The following DOK5 variants were observed in gnomAD, a reference collection of about 807,000 sequenced individuals.
The protein encoded by DOK5 is docking protein 5.
In DOK5, 27 loss-of-function variants were observed where a neutral mutation model predicts 43.3. The ratio of observed to expected loss-of-function variants is 0.62; its 90% CI spans 0.46 to 0.86. The LOEUF (loss-of-function observed/expected upper bound fraction) is 0.86, where lower values mean the gene tolerates loss of function less well. Among genes scored for constraint, DOK5 ranks in the 40% least tolerant of loss-of-function variants. DOK5 has a pLI of 0.00. For missense variants in DOK5, 373 were observed against 392.9 expected (o/e 0.95, Z 0.43); for synonymous variants, 146 against 140.1 (o/e 1.04, Z -0.30).
intron 5 of DOK5, among the ~76,000 whole-genome samples, chr20:54,607,222 A>T (rs1235791581): frequency 1.3e-5 from 2 of 151,878 alleles, no homozygotes; most frequent in Non-Finnish European, 2.9e-5. Context: ...CCCCACATAG[A>T]CTCCTGTCTA....
At chr20:54,593,711 C>T (rs1176952771) in intron 5 of DOK5, among the ~76,000 whole-genome samples, 1 of 152,178 alleles carries the variant, frequency 6.6e-6, no homozygotes. Flanking sequence ...TTCATCAAAG[C>T]ACTATTCACA....
At chr20:54,648,833 C>T (rs543259367) in intron 7 of DOK5, among the ~76,000 whole-genome samples, 4 of 152,244 alleles carry the variant, frequency 2.6e-5, no homozygotes, top group Non-Finnish European at 4.4e-5. Context: ...ACATGAGCAC[C>T]GGAGTGTCTG....
intron 1 of DOK5, among the ~76,000 whole-genome samples, chr20:54,486,627 T>C (rs1425541892): frequency 6.6e-6 from 1 of 152,092 alleles, no homozygotes; most frequent in African/African-American, 2.4e-5. Flanking sequence ...GTGGTGGAAA[T>C]AGCAGAAGTT....
chr20:54,650,541 G>A lies in DOK5; in HGVS notation c.*62G>A. 1 of 1,508,486 alleles carries A rather than the reference G, an allele frequency of 6.6e-7. No homozygotes were observed. The highest frequency in any genetic ancestry group is 9.2e-7 in the Non-Finnish European group (1 of 1,090,812). The allele number at this position is 1,508,486 out of a possible 1,614,324, so 93.4% of individuals were successfully genotyped here. On this transcript the variant is annotated 3_prime_UTR_variant, in exon 8 of 8. Transcript: ENST00000262593. The stretch of plus-strand genomic sequence containing the variant: ...TGTCAGCCACAGATTCACCCAGGAG[G>A]TCACAGAATGACAGCAAGGGAAATG...
intron 1 of DOK5, among the ~76,000 whole-genome samples, chr20:54,526,151 T>G (rs1172853480): frequency 6.6e-6 from 1 of 152,080 alleles, no homozygotes; most frequent in Non-Finnish European, 1.5e-5. Context: ...TTTTTTTTTT[T>G]TTTTAACTAT....
chr20:54,525,808 G>C (rs1454307151), intron 1 of DOK5, among the ~76,000 whole-genome samples: 1 of 152,178 alleles, frequency 6.6e-6, no homozygotes, highest in East Asian at 1.9e-4. Context: ...GCAATCCTTT[G>C]ATCTCCGCTG....
intron 2 of DOK5, among the ~76,000 whole-genome samples, chr20:54,570,499 GA>G (rs1985250002): frequency 2.0e-5 from 3 of 152,184 alleles, no homozygotes; most frequent in Admixed American, 6.5e-5. Flanking sequence ...TCCCACAAGG[GA>G]AAAAATAATT....
At chr20:54,482,077 A>G (rs1981743477) in intron 1 of DOK5, among the ~76,000 whole-genome samples, 1 of 152,194 alleles carries the variant, frequency 6.6e-6, no homozygotes, top group Non-Finnish European at 1.5e-5. Context: ...CAAGTACCAA[A>G]TGTTGCTTGG....
chr20:54,611,883 T>C (rs935606395), intron 6 of DOK5, among the ~76,000 whole-genome samples: 2 of 152,188 alleles, frequency 1.3e-5, no homozygotes, highest in Non-Finnish European at 2.9e-5. Flanking sequence ...ATGACGTCTA[T>C]AGGCAGCAAT....
chr20:54,613,340 A>C (rs551462288), intron 6 of DOK5, among the ~76,000 whole-genome samples: 83 of 152,318 alleles, frequency 5.4e-4, no homozygotes, highest in African/African-American at 1.9e-3. Flanking sequence ...ATAATTTAAT[A>C]GATTTTAGAG....
At chr20:54,642,950 A>G (rs977415754) in intron 6 of DOK5, among the ~76,000 whole-genome samples, 2 of 152,208 alleles carry the variant, frequency 1.3e-5, no homozygotes, top group African/African-American at 4.8e-5. Context: ...TCCCATCTCC[A>G]GCCTCTTAAC....
intron 4 of DOK5, among the ~76,000 whole-genome samples, chr20:54,590,707 T>C (rs1016419316): frequency 6.6e-6 from 1 of 152,190 alleles, no homozygotes; most frequent in Non-Finnish European, 1.5e-5. Flanking sequence ...CAAATGACTA[T>C]CTTATCATAA....
intron 2 of DOK5, among the ~76,000 whole-genome samples, chr20:54,571,652 T>A (rs1343730838): frequency 6.6e-6 from 1 of 152,096 alleles, no homozygotes; most frequent in Non-Finnish European, 1.5e-5. Flanking sequence ...GGCAAAATCT[T>A]CCCCAGACTG....
rs1981383231 is a variant in DOK5 at position 54,475,621 on chromosome 20, A to G, written c.-326A>G. The G allele has an allele frequency of 2.5e-6, 1 of 399,646 alleles. No homozygotes were observed. The highest frequency in any genetic ancestry group is 3.3e-5 in the South Asian group (1 of 29,936). 24.8% of individuals were successfully genotyped at this position (399,646 alleles called of 1,614,324 possible). A position where few individuals can be genotyped will look rare whatever the true frequency, so the allele number is the denominator to read the frequency against. On this transcript the variant is annotated 5_prime_UTR_variant, in exon 1 of 8. Coordinates refer to ENST00000262593, the MANE Select transcript of DOK5 (RefSeq NM_018431.5). The surrounding 1 kb of genome is among the most constrained non-coding windows in gnomAD (Gnocchi z 4.2). ...CTTCTCCTCCTTCTCGGCCGGGAGG[A>G]GGCAGGGCTGGATCCCTCAGCCGCC...
At chr20:54,636,580 C>G (rs1365986335) in intron 6 of DOK5, among the ~76,000 whole-genome samples, 1 of 152,162 alleles carries the variant, frequency 6.6e-6, no homozygotes, top group Non-Finnish European at 1.5e-5. Context: ...TTTCCACACC[C>G]TTATGATTGC....
At chr20:54,508,858 G>C (rs1467229105) in intron 1 of DOK5, among the ~76,000 whole-genome samples, 2 of 151,996 alleles carry the variant, frequency 1.3e-5, no homozygotes, top group African/African-American at 4.8e-5. Flanking sequence ...GGGATTACAG[G>C]TGTGAGCCAC....
chr20:54,519,921 A>G (rs1983334237), intron 1 of DOK5, among the ~76,000 whole-genome samples: 1 of 152,188 alleles, frequency 6.6e-6, no homozygotes, highest in Non-Finnish European at 1.5e-5. Flanking sequence ...CCTCATTTCA[A>G]ATTCTCAAAA....
intron 1 of DOK5, among the ~76,000 whole-genome samples, chr20:54,551,031 C>T (rs1466982121): frequency 6.6e-6 from 1 of 152,112 alleles, no homozygotes; most frequent in African/African-American, 2.4e-5. Flanking sequence ...TATGAGTCAT[C>T]CAATTTTTCC....
intron 1 of DOK5, among the ~76,000 whole-genome samples, chr20:54,477,250 G>T (rs1981470086): frequency 6.6e-6 from 1 of 152,140 alleles, no homozygotes; most frequent in Non-Finnish European, 1.5e-5. Flanking sequence ...AAACTGAAAA[G>T]AAATTTCACA....
Sources: allele counts gnomAD v4.1 joint callset (sites outside exome capture counted in the v4.1 genomes callset), GRCh38; gene constraint gnomAD v4.1.1; non-coding constraint Gnocchi (gnomAD v3.1); transcripts MANE v1.5; gene names NCBI Gene and HGNC (gene_info 2026-07-23, HGNC 2026-07-21).